UTRN: variants seen among roughly 807,000 people sequenced by gnomAD.
UTRN encodes the protein utrophin.
Under a neutral mutation model 463.9 loss-of-function variants are expected in UTRN, and 283 were observed. The ratio of observed to expected loss-of-function variants is 0.61; its 90% CI spans 0.55 to 0.67. The LOEUF (loss-of-function observed/expected upper bound fraction) is 0.67, where lower values mean the gene tolerates loss of function less well. Among genes scored for constraint, UTRN ranks in the 30% least tolerant of loss-of-function variants. The pLI, the probability that UTRN is intolerant of heterozygous loss-of-function variation, is 0.00. For synonymous variants in UTRN, 1,442 were observed against 1,431.5 expected (o/e 1.01, Z -0.17); for missense variants, 3,922 against 4,084.3 (o/e 0.96, Z 1.08).
At chr6:144,724,554 C>T (rs1787636599) in intron 53 of UTRN, among the ~76,000 whole-genome samples, 1 of 152,002 alleles carries the variant, frequency 6.6e-6, no homozygotes, top group Admixed American at 6.6e-5. Flanking sequence ...CCAAAAAGAA[C>T]ATCCATACCC....
chr6:144,581,262 C>G (rs927718467), intron 51 of UTRN, among the ~76,000 whole-genome samples: 9 of 152,146 alleles, frequency 5.9e-5, no homozygotes, highest in African/African-American at 2.2e-4. Flanking sequence ...TTTATTAGTT[C>G]AAGTGCATTT....
intron 33 of UTRN, among the ~76,000 whole-genome samples, chr6:144,495,362 C>G (rs1311883157): frequency 6.6e-6 from 1 of 152,256 alleles, no homozygotes; most frequent in African/African-American, 2.4e-5. Context: ...GCTGGGGGAC[C>G]CAGTACACCC....
intron 29 of UTRN, among the ~76,000 whole-genome samples, chr6:144,488,124 G>A (rs1792661605): frequency 6.6e-6 from 1 of 152,146 alleles, no homozygotes; most frequent in South Asian, 2.1e-4. Flanking sequence ...TCTTTTATAG[G>A]AAGGTTGGGT....
intron 30 of UTRN, 116 bp from the exon 31 acceptor site, chr6:144,489,955 A>C: frequency 7.0e-7 from 1 of 1,422,508 alleles, no homozygotes; most frequent in Non-Finnish European, 9.5e-7. Context: ...GGAGGTCAAC[A>C]TTATGTAAAA....
At chr6:144,414,467 C>T (rs1162187372) in intron 3 of UTRN, among the ~76,000 whole-genome samples, 1 of 151,944 alleles carries the variant, frequency 6.6e-6, no homozygotes, top group Non-Finnish European at 1.5e-5. Context: ...GTGTTTTAAG[C>T]TGTTATTATA....
At chr6:144,820,411 A>G (rs1013181065) in intron 65 of UTRN, among the ~76,000 whole-genome samples, 1 of 152,154 alleles carries the variant, frequency 6.6e-6, no homozygotes, top group Non-Finnish European at 1.5e-5. Flanking sequence ...CCCCACTAGA[A>G]TATATGCTGG....
Position 144,807,764 on chromosome 6 carries a change from A to G in UTRN, c.9357+4617A>G, listed in dbSNP as rs368980085. Among the ~76,000 whole-genome samples, 50 of 152,134 alleles carry G rather than the reference A, an allele frequency of 3.3e-4. 1 individual carries two copies. In the South Asian group the frequency reaches 9.1e-3, roughly 28 times the overall value. On this transcript the variant is annotated intron_variant, in intron 65 of 74. Transcript: ENST00000367545. ...ATTTGATTCTATGTTCCCTTGTATC[A>G]TTTTCTAACTGTGGTGTTTTTGTCT...
rs544668162 is a variant in UTRN, at chr6:144,641,831, C to A, written c.7480-36575C>A. Among the ~76,000 whole-genome samples the A allele has an allele frequency of 1.1e-4, 16 of 152,166 alleles. No homozygotes were observed. In the East Asian group the frequency reaches 1.7e-3, roughly 17 times the overall value. ...CCGAATAATATTGCCATGAATAAAGCGGTTGATTAGTGATTGGTTGACTTT... is the reference window on the plus strand; with the variant it reads ...CCGAATAATATTGCCATGAATAAAGAGGTTGATTAGTGATTGGTTGACTTT... On this transcript the variant is annotated intron_variant, in intron 51 of 74. Transcript: ENST00000367545.
intron 23 of UTRN, among the ~76,000 whole-genome samples, chr6:144,464,051 T>A (rs1384941073): frequency 6.6e-6 from 1 of 151,960 alleles, no homozygotes; most frequent in Non-Finnish European, 1.5e-5. Flanking sequence ...TATATTTGGA[T>A]CTAGATCTAA....
At chr6:144,617,607 C>CTA (rs1311396196) in intron 51 of UTRN, among the ~76,000 whole-genome samples, 1 of 152,176 alleles carries the variant, frequency 6.6e-6, no homozygotes, top group African/African-American at 2.4e-5. Context: ...TGATGAACTG[C>CTA]AGGAGATTGC....
At chr6:144,780,506 C>T (rs901124432) in intron 60 of UTRN, among the ~76,000 whole-genome samples, 1 of 152,042 alleles carries the variant, frequency 6.6e-6, no homozygotes, top group Non-Finnish European at 1.5e-5. Flanking sequence ...TTAATGTGGA[C>T]TCTAATTTTC....
intron 25 of UTRN, among the ~76,000 whole-genome samples, chr6:144,477,782 C>A (rs1392539584): frequency 1.3e-5 from 2 of 152,070 alleles, no homozygotes; most frequent in Admixed American, 6.5e-5. Flanking sequence ...TGGCATGTGC[C>A]TTAAGGAACT....
intron 53 of UTRN, among the ~76,000 whole-genome samples, chr6:144,714,657 A>G (rs555416785): frequency 3.3e-5 from 5 of 152,310 alleles, no homozygotes; most frequent in South Asian, 4.1e-4. Context: ...ACATTAACAT[A>G]TATATTCTGA....
intron 23 of UTRN, among the ~76,000 whole-genome samples, chr6:144,470,897 G>A (rs1464476082): frequency 3.3e-5 from 5 of 151,844 alleles, no homozygotes; most frequent in African/African-American, 9.7e-5. Context: ...GTGGCGGCGC[G>A]CACCTGCGAT....
chr6:144,513,849 A>T, intron 35 of UTRN, 60 bp from the exon 36 acceptor site: 1 of 1,567,392 alleles, frequency 6.4e-7, no homozygotes, highest in Non-Finnish European at 8.6e-7. Context: ...AATCTCTTTT[A>T]AGATTATCAT....
chr6:144,592,052 T>G (rs886953682), intron 51 of UTRN, among the ~76,000 whole-genome samples: 2 of 152,188 alleles, frequency 1.3e-5, no homozygotes, highest in Non-Finnish European at 2.9e-5. Flanking sequence ...GCTCTGTAGC[T>G]TTATTCTAGG....
chr6:144,600,359 G>C (rs376181412), intron 51 of UTRN, among the ~76,000 whole-genome samples: 16 of 152,342 alleles, frequency 1.1e-4, no homozygotes, highest in South Asian at 1.0e-3. Flanking sequence ...AGTTGGCCAA[G>C]TTGTGAATGC....
intron 53 of UTRN, among the ~76,000 whole-genome samples, chr6:144,723,933 C>G (rs1586223339): frequency 6.7e-6 from 1 of 148,872 alleles, no homozygotes; most frequent in East Asian, 2.0e-4. Flanking sequence ...TTGCTTGAGC[C>G]CGGGAGGCAG....
At chr6:144,526,402 T>C (rs1314926371) in intron 41 of UTRN, among the ~76,000 whole-genome samples, 1 of 152,210 alleles carries the variant, frequency 6.6e-6, no homozygotes, top group East Asian at 1.9e-4. Flanking sequence ...TATAATTTCC[T>C]GTTGGACTAG....
Sources: gnomAD v4.1 joint callset for allele counts (sites outside exome capture counted in the v4.1 genomes callset) on GRCh38, gnomAD v4.1.1 for gene constraint, MANE v1.5 for transcripts, NCBI Gene and HGNC (gene_info 2026-07-23, HGNC 2026-07-21) for gene names.